Variants in MOS observed in about 807,000 individuals in gnomAD.
MOS encodes proto-oncogene serine/threonine-protein kinase mos.
For synonymous variants in MOS, 190 were observed against 205.2 expected (o/e 0.93, Z 0.63); for missense variants, 419 against 459.6 (o/e 0.91, Z 0.81).
Position 56,113,110 on chromosome 8 carries a change from C to T in MOS, c.873G>A (p.Val291=). ...GERQHILYAV[V]AYDLRPSLSA... is the part of the protein sequence containing the mutation. ...AGAGGGACGGGCGCAGGTCGTAGGC[C>T]ACCACCGCGTACAGTATGTGCTGCC... Residue 291 remains valine (V), a synonymous_variant, in exon 1 of 1, where the codon GTG becomes GTA. Coordinates refer to ENST00000311923, the MANE Select transcript of MOS (RefSeq NM_005372.1). The surrounding 1 kb of genome is among the most constrained non-coding windows in gnomAD (Gnocchi z 5.7). The T allele has an allele frequency of 6.2e-7, 1 of 1,613,226 alleles. No individual in the cohort carries two copies. The highest frequency in any genetic ancestry group is 8.5e-7 in the Non-Finnish European group (1 of 1,179,708).
Position 56,113,525 on chromosome 8 carries a change from C to T in MOS, c.458G>A (p.Gly153Asp), listed in dbSNP as rs1160826537. Residue 153 changes from glycine to aspartate, a missense_variant, in exon 1 of 1, where the codon GGC (glycine) becomes GAC (aspartate). Gly to Asp is a moderately conservative substitution (Grantham distance 94). Transcript: ENST00000311923. The surrounding 1 kb of genome is among the most constrained non-coding windows in gnomAD (Gnocchi z 5.7). ...GNVTLHQVIYGAAGHPEGDAG... is the reference protein window; with the variant it reads ...GNVTLHQVIYDAAGHPEGDAG... ...GTCCCCCTCAGGGTGGCCGGCGGCG[C>T]CATAGATGACTTGGTGTAAAGTGAC... 6.2e-7 allele frequency: 1 copy of T among 1,613,874 alleles called. No individual in the cohort carries two copies. The highest frequency in any genetic ancestry group is 8.5e-7 in the Non-Finnish European group (1 of 1,180,004).
In MOS at chr8:56,112,999, C is replaced by CCTCTGCGCCGCGCTGGGT; in HGVS notation, c.966_983dup (p.Ala326_Ala331dup). 1 of 1,580,848 alleles carries CCTCTGCGCCGCGCTGGGT rather than the reference C, an allele frequency of 6.3e-7. No homozygotes were observed. The highest frequency in any genetic ancestry group is 1.2e-5 in the South Asian group (1 of 86,582). On this transcript the variant is annotated inframe_insertion, in exon 1 of 1. Transcript: ENST00000311923. Reference sequence around the variant, plus strand: ...CCACCAAAAGCAGCCGCGCGCTCGGCCTCTGCGCCGCGCTGGGTCTCCAGC... The same window carrying CCTCTGCGCCGCGCTGGGT: ...CCACCAAAAGCAGCCGCGCGCTCGGCCTCTGCGCCGCGCTGGGTCTCTGCGCCGCGCTGGGTCTCCAGC...
rs768528104 is a variant in MOS, at chr8:56,113,247, G to T, written c.736C>A (p.Arg246Ser). 167 of 1,613,786 alleles carry T rather than the reference G, an allele frequency of 1.0e-4. No homozygotes were observed. Among genetic ancestry groups the T allele is most frequent in the Middle Eastern group, 1.6e-4 (1 of 6,084 alleles). The stretch of plus-strand genomic sequence containing the variant: ...TCTCCTTTCAGGAGCTCCGGGGCGC[G>T]GTGGGTGTATGTGCCTCCTAGAGGG... ...SYPLGGTYTH[R>S]APELLKGEGV... is the part of the protein sequence containing the mutation. The change falls in exon 1 of 1, where the codon CGC (arginine) becomes AGC (serine). Residue 246 changes from arginine (R) to serine (S), a missense_variant. Physicochemically the swap from Arg to Ser is moderately radical, Grantham distance 110 (BLOSUM62 -1). Coordinates refer to ENST00000311923, the MANE Select transcript of MOS (RefSeq NM_005372.1). This position sits in a 1 kb window ranked among gnomAD's most constrained non-coding sequence, Gnocchi z 5.7.
At position 56,113,500 on chromosome 8, in the gene MOS, G is replaced by T. The variant is rs750288981; in HGVS notation, c.483C>A (p.Asp161Glu). The T allele has an allele frequency of 6.2e-7, 1 of 1,613,854 alleles. No homozygotes were observed. The change falls in exon 1 of 1, where the codon GAC (aspartate) becomes GAA (glutamate). Residue 161 changes from aspartate to glutamate, a missense_variant. Transcript: ENST00000311923. The surrounding 1 kb of genome is among the most constrained non-coding windows in gnomAD (Gnocchi z 5.7). ...CAGTGCGGCAGTGAGGCTCCCCTGC[G>T]TCCCCCTCAGGGTGGCCGGCGGCGC... ...IYGAAGHPEG[D>E]AGEPHCRTGG...
rs561039574 is a variant in MOS, at chr8:56,113,511, G to A, written c.472C>T (p.Pro158Ser). 12 of 1,614,012 alleles carry A rather than the reference G, an allele frequency of 7.4e-6. No homozygotes were observed. In the Admixed American group the frequency reaches 1.3e-4, roughly 18 times the overall value. The change falls in exon 1 of 1, where the codon CCT (proline) becomes TCT (serine). Residue 158 changes from proline (P) to serine (S), a missense_variant. By Grantham distance (74) the Pro-to-Ser change is moderately conservative. Transcript: ENST00000311923. This position sits in a 1 kb window ranked among gnomAD's most constrained non-coding sequence, Gnocchi z 5.7. ...HQVIYGAAGH[P>S]EGDAGEPHCR... ...TGAGGCTCCCCTGCGTCCCCCTCAG[G>A]GTGGCCGGCGGCGCCATAGATGACT...
rs1810529862 is a variant in MOS, at chr8:56,113,631, C to A, written c.352G>T (p.Val118Leu). ...NVARLRHDNI[V>L]RVVAASTRTP... ...CGCGTGCTGGCAGCCACCACGCGCA[C>A]GATGTTATCGTGGCGCAGCCTTGCT... The change falls in exon 1 of 1, where the codon GTG becomes TTG. Residue 118 changes from valine to leucine, a missense_variant. Val to Leu is a conservative substitution (Grantham distance 32). Transcript: ENST00000311923. This position sits in a 1 kb window ranked among gnomAD's most constrained non-coding sequence, Gnocchi z 5.7. 1 of 1,612,984 alleles carries A rather than the reference C, an allele frequency of 6.2e-7. No homozygotes were observed. Among genetic ancestry groups the A allele is most frequent in the African/African-American group, 1.3e-5 (1 of 74,776 alleles).
rs1421842842 is a variant in MOS, at chr8:56,113,009, G to A, written c.974C>T (p.Ala325Val). The A allele has an allele frequency of 4.4e-6, 7 of 1,583,516 alleles. No individual in the cohort carries two copies. Among genetic ancestry groups the A allele is most frequent in the East Asian group, 4.5e-5 (2 of 44,472 alleles). Reference protein sequence around the residue: ...DVIQRCWRPSAAQRPSARLLL... With the variant: ...DVIQRCWRPSVAQRPSARLLL... ...CAGCCGCGCGCTCGGCCTCTGCGCCGCGCTGGGTCTCCAGCAGCGCTGGAT... is the reference window on the plus strand; with the variant it reads ...CAGCCGCGCGCTCGGCCTCTGCGCCACGCTGGGTCTCCAGCAGCGCTGGAT... Residue 325 changes from alanine (A) to valine (V), a missense_variant, in exon 1 of 1, where the codon GCG becomes GTG. Ala to Val is a moderately conservative substitution (Grantham distance 64). Transcript: ENST00000311923. This position sits in a 1 kb window ranked among gnomAD's most constrained non-coding sequence, Gnocchi z 5.7.
Position 56,113,147 on chromosome 8 carries a change from T to A in MOS, c.836A>T (p.Tyr279Phe). 5 of 1,614,076 alleles carry A rather than the reference T, an allele frequency of 3.1e-6. No individual in the cohort carries two copies. Among genetic ancestry groups the A allele is most frequent in the Non-Finnish European group, 4.2e-6 (5 of 1,180,016 alleles). Residue 279 changes from tyrosine to phenylalanine, a missense_variant, in exon 1 of 1, where the codon TAT (tyrosine) becomes TTT (phenylalanine). Coordinates refer to ENST00000311923, the MANE Select transcript of MOS (RefSeq NM_005372.1). The surrounding 1 kb of genome is among the most constrained non-coding windows in gnomAD (Gnocchi z 5.7). Reference sequence around the variant, plus strand: ...CAGTATGTGCTGCCGCTCCCCCGAATACGGCGCCTGCTTGGTAGTCATTTG... The same window carrying A: ...CAGTATGTGCTGCCGCTCCCCCGAAAACGGCGCCTGCTTGGTAGTCATTTG... ...LWQMTTKQAP[Y>F]SGERQHILYA...
In MOS at chr8:56,113,269, A is replaced by C. The variant is rs776808968; in HGVS notation, c.714T>G (p.Pro238=). The C allele has an allele frequency of 1.2e-6, 2 of 1,613,766 alleles. No homozygotes were observed. The highest frequency in any genetic ancestry group is 1.7e-6 in the Non-Finnish European group (2 of 1,179,960). Residue 238 remains proline (P), a synonymous_variant, in exon 1 of 1, where the codon CCT becomes CCG. Coordinates refer to ENST00000311923, the MANE Select transcript of MOS (RefSeq NM_005372.1). This position sits in a 1 kb window ranked among gnomAD's most constrained non-coding sequence, Gnocchi z 5.7. ...DLLCFQTPSY[P]LGGTYTHRAP... ...CGCGGTGGGTGTATGTGCCTCCTAG[A>C]GGGTAAGAGGGTGTCTGGAAGCACA...
In MOS at chr8:56,113,929, C is replaced by G; in HGVS notation, c.54G>C (p.Ser18=). 6.3e-7 allele frequency: 1 copy of G among 1,578,066 alleles called. No homozygotes were observed. The highest frequency in any genetic ancestry group is 8.6e-7 in the Non-Finnish European group (1 of 1,169,450). ...GACTGCTGCAGGGCCGCGCGTCCAC[C>G]GATGGGGAAAACTCGCTCCGGAGGT... ...RPYLRSEFSP[S]VDARPCSSPS... The change falls in exon 1 of 1, where the codon TCG becomes TCC. Residue 18 remains serine (S), a synonymous_variant. Transcript: ENST00000311923. The surrounding 1 kb of genome is among the most constrained non-coding windows in gnomAD (Gnocchi z 5.7).
rs1479787797 is a variant in MOS, at chr8:56,113,254, G to A, written c.729C>T (p.Tyr243=). Reference sequence around the variant, plus strand: ...TCAGGAGCTCCGGGGCGCGGTGGGTGTATGTGCCTCCTAGAGGGTAAGAGG... The same window carrying A: ...TCAGGAGCTCCGGGGCGCGGTGGGTATATGTGCCTCCTAGAGGGTAAGAGG... ...QTPSYPLGGT[Y]THRAPELLKG... Residue 243 remains tyrosine (Y), a synonymous_variant, in exon 1 of 1, where the codon TAC becomes TAT. Coordinates refer to ENST00000311923, the MANE Select transcript of MOS (RefSeq NM_005372.1). This position sits in a 1 kb window ranked among gnomAD's most constrained non-coding sequence, Gnocchi z 5.7. 1.9e-6 allele frequency: 3 copies of A among 1,613,778 alleles called. No individual in the cohort carries two copies. The highest frequency in any genetic ancestry group is 3.3e-5 in the Admixed American group (2 of 60,002).
rs1810519241 is a variant in MOS, at chr8:56,113,083, G to A, written c.900C>T (p.Ser300=). 2.5e-6 allele frequency: 4 copies of A among 1,607,570 alleles called. No individual in the cohort carries two copies. The highest frequency in any genetic ancestry group is 1.7e-5 in the Admixed American group (1 of 58,890). The change falls in exon 1 of 1, where the codon TCC becomes TCT. Residue 300 remains serine (S), a synonymous_variant. Coordinates refer to ENST00000311923, the MANE Select transcript of MOS (RefSeq NM_005372.1). The surrounding 1 kb of genome is among the most constrained non-coding windows in gnomAD (Gnocchi z 5.7). ...VVAYDLRPSL[S]AAVFEDSLPG... ...GGAGCGAGTCCTCGAAGACGGCAGC[G>A]GAGAGGGACGGGCGCAGGTCGTAGG...
At position 56,113,201 on chromosome 8, in the gene MOS, T is replaced by C; in HGVS notation, c.782A>G (p.Asp261Gly). The C allele has an allele frequency of 1.9e-6, 3 of 1,613,990 alleles. No individual in the cohort carries two copies. Among genetic ancestry groups the C allele is most frequent in the South Asian group, 2.2e-5 (2 of 91,080 alleles). Residue 261 changes from aspartate (D) to glycine (G), a missense_variant, in exon 1 of 1, where the codon GAC becomes GGC. Transcript: ENST00000311923. This position sits in a 1 kb window ranked among gnomAD's most constrained non-coding sequence, Gnocchi z 5.7. ...LKGEGVTPKA[D>G]IYSFAITLWQ... is the part of the protein sequence containing the mutation. ...GAGAGTGATGGCAAAGGAATAAATG[T>C]CGGCTTTAGGCGTCACGCCCTCTCC...
At position 56,113,037 on chromosome 8, in the gene MOS, CG is replaced by C; in HGVS notation, c.945del (p.Asp315GlufsTer27). 6.3e-7 allele frequency: 1 copy of C among 1,592,470 alleles called. No individual in the cohort carries two copies. The highest frequency in any genetic ancestry group is 8.5e-7 in the Non-Finnish European group (1 of 1,170,066). ...EDSLPGQRLG[D>X]VIQRCWRPSA... ...CTGGGTCTCCAGCAGCGCTGGATGACGTCCCCAAGGCGCTGCCCGGGGAGCG... is the reference window on the plus strand; with the variant it reads ...CTGGGTCTCCAGCAGCGCTGGATGACTCCCCAAGGCGCTGCCCGGGGAGCG... On this transcript the variant is annotated frameshift_variant, in exon 1 of 1. Transcript: ENST00000311923. LOFTEE classifies it low-confidence loss of function (END_TRUNC). This position sits in a 1 kb window ranked among gnomAD's most constrained non-coding sequence, Gnocchi z 5.7.
At position 56,113,551 on chromosome 8, in the gene MOS, G is replaced by A. The variant is rs772358722; in HGVS notation, c.432C>T (p.Asn144=). The change falls in exon 1 of 1, where the codon AAC becomes AAT. Residue 144 remains asparagine, a synonymous_variant. Coordinates refer to ENST00000311923, the MANE Select transcript of MOS (RefSeq NM_005372.1). The surrounding 1 kb of genome is among the most constrained non-coding windows in gnomAD (Gnocchi z 5.7). ...CATAGATGACTTGGTGTAAAGTGACGTTGCCACCGAACTCCATGATGATGG... is the reference window on the plus strand; with the variant it reads ...CATAGATGACTTGGTGTAAAGTGACATTGCCACCGAACTCCATGATGATGG... ...LGTIIMEFGG[N]VTLHQVIYGA... 3 of 1,613,922 alleles carry A rather than the reference G, an allele frequency of 1.9e-6. No individual in the cohort carries two copies. Among genetic ancestry groups the A allele is most frequent in the African/African-American group, 1.3e-5 (1 of 75,032 alleles).
chr8:56,113,502 C>A lies in MOS; in HGVS notation c.481G>T (p.Asp161Tyr). The A allele has an allele frequency of 1.9e-6, 3 of 1,614,064 alleles. No individual in the cohort carries two copies. The highest frequency in any genetic ancestry group is 2.5e-6 in the Non-Finnish European group (3 of 1,180,006). Residue 161 changes from aspartate (D) to tyrosine (Y), a missense_variant, in exon 1 of 1, where the codon GAC becomes TAC. Physicochemically the swap from Asp to Tyr is radical, Grantham distance 160 (BLOSUM62 -3). Transcript: ENST00000311923. The surrounding 1 kb of genome is among the most constrained non-coding windows in gnomAD (Gnocchi z 5.7). Reference sequence around the variant, plus strand: ...GTGCGGCAGTGAGGCTCCCCTGCGTCCCCCTCAGGGTGGCCGGCGGCGCCA... The same window carrying A: ...GTGCGGCAGTGAGGCTCCCCTGCGTACCCCTCAGGGTGGCCGGCGGCGCCA... ...IYGAAGHPEG[D>Y]AGEPHCRTGG...
Position 56,113,920 on chromosome 8 carries a change from C to T in MOS, c.63G>A (p.Ala21=), listed in dbSNP as rs374238566. 2.5e-6 allele frequency: 4 copies of T among 1,579,318 alleles called. No homozygotes were observed. The African/African-American group carries it at 4.1e-5, about 16-fold the overall frequency. Residue 21 remains alanine, a synonymous_variant, in exon 1 of 1, where the codon GCG becomes GCA. Transcript: ENST00000311923. This position sits in a 1 kb window ranked among gnomAD's most constrained non-coding sequence, Gnocchi z 5.7. ...LRSEFSPSVD[A]RPCSSPSELP... ...GCTCTGAGGGACTGCTGCAGGGCCGCGCGTCCACCGATGGGGAAAACTCGC... is the reference window on the plus strand; with the variant it reads ...GCTCTGAGGGACTGCTGCAGGGCCGTGCGTCCACCGATGGGGAAAACTCGC...
Position 56,113,320 on chromosome 8 carries a change from A to G in MOS, c.663T>C (p.Gly221=). 1 of 1,614,046 alleles carries G rather than the reference A, an allele frequency of 6.2e-7. No individual in the cohort carries two copies. ...EQDVCKISDF[G]CSEKLEDLLC... ...GCAGATCTTCCAACTTCTCAGAGCA[A>G]CCGAAGTCACTAATTTTACAGACAT... The change falls in exon 1 of 1, where the codon GGT becomes GGC. Residue 221 remains glycine (G), a synonymous_variant. Transcript: ENST00000311923. The surrounding 1 kb of genome is among the most constrained non-coding windows in gnomAD (Gnocchi z 5.7).
In MOS at chr8:56,113,657, A is replaced by T; in HGVS notation, c.326T>A (p.Val109Glu). ...SRRSFWAELN[V>E]ARLRHDNIVR... ...GATGTTATCGTGGCGCAGCCTTGCT[A>T]CGTTGAGCTCAGCCCAGAAACTCCG... Residue 109 changes from valine (V) to glutamate (E), a missense_variant, in exon 1 of 1, where the codon GTA becomes GAA. Val to Glu is a moderately radical substitution (Grantham distance 121). Transcript: ENST00000311923. The surrounding 1 kb of genome is among the most constrained non-coding windows in gnomAD (Gnocchi z 5.7). 6.2e-7 allele frequency: 1 copy of T among 1,613,792 alleles called. No individual in the cohort carries two copies. Among genetic ancestry groups the T allele is most frequent in the Non-Finnish European group, 8.5e-7 (1 of 1,179,900 alleles).
Sources: allele counts gnomAD v4.1 joint callset, GRCh38; gene constraint gnomAD v4.1.1; non-coding constraint Gnocchi (gnomAD v3.1); transcripts MANE v1.5; gene names NCBI Gene and HGNC (gene_info 2026-07-23, HGNC 2026-07-21).